Variants in ERC2 observed in about 807,000 individuals in gnomAD.
ERC2 encodes ERC protein 2.
A neutral mutation model predicts 114.8 loss-of-function variants in ERC2; 42 were observed. The ratio of observed to expected loss-of-function variants is 0.37; its 90% CI spans 0.29 to 0.47. ERC2 has a LOEUF of 0.47. Among genes scored for constraint, ERC2 ranks in the 20% least tolerant of loss-of-function variants. The probability of loss-of-function intolerance (pLI) is 0.99; values close to 1 mark genes in which losing one functional copy is unlikely to be tolerated. For missense variants in ERC2, 939 were observed against 1,150.7 expected, an observed-to-expected ratio of 0.82 and a Z score of 2.66; for synonymous variants, 454 against 425.5, an observed-to-expected ratio of 1.07 and a Z score of -0.82.
chr3:55,672,670 A>G (rs1266643803), intron 17 of ERC2, among the ~76,000 whole-genome samples: 1 of 152,118 alleles, frequency 6.6e-6, no homozygotes. Flanking sequence ...CAGCTCTTGG[A>G]ACTTTAAGGT....
chr3:55,771,796 T>C (rs1328983344), intron 14 of ERC2, among the ~76,000 whole-genome samples: 1 of 152,202 alleles, frequency 6.6e-6, no homozygotes, highest in Non-Finnish European at 1.5e-5. Flanking sequence ...ACAGCAGGCC[T>C]GAGGAGGCAG....
At chr3:55,777,335 A>G (rs2068703749) in intron 14 of ERC2, among the ~76,000 whole-genome samples, 1 of 152,210 alleles carries the variant, frequency 6.6e-6, no homozygotes, top group South Asian at 2.1e-4. Flanking sequence ...ACTGTGTTAC[A>G]GTGAAAATGA....
At chr3:56,399,704 TC>T (rs1361000335) in intron 2 of ERC2, among the ~76,000 whole-genome samples, 1 of 151,994 alleles carries the variant, frequency 6.6e-6, no homozygotes, top group Non-Finnish European at 1.5e-5. Flanking sequence ...GTATATTATT[TC>T]CCTAAAAGAG....
chr3:56,053,066 C>T (rs2075843251), intron 7 of ERC2, among the ~76,000 whole-genome samples: 1 of 152,148 alleles, frequency 6.6e-6, no homozygotes, highest in African/African-American at 2.4e-5. Flanking sequence ...TGAAAAACTC[C>T]ACATGGCGAG....
intron 13 of ERC2, among the ~76,000 whole-genome samples, chr3:55,889,647 C>T (rs957264467): frequency 6.6e-5 from 10 of 152,092 alleles, no homozygotes; most frequent in Non-Finnish European, 1.3e-4. Context: ...GAAATGCCAT[C>T]CCTTGCACAG....
Position 55,586,238 on chromosome 3 carries a change from C to G in ERC2, c.*40-74962G>C, listed in dbSNP as rs116497536. On this transcript the variant is annotated intron_variant, in intron 17 of 17. Transcript: ENST00000288221. ...TTCCCAAAGAGAGGTGGCCCTCGGA[C>G]TGTGAGTCTTTGCCTTCACTTTCAA... is the stretch of plus-strand genomic sequence containing the variant. Among the ~76,000 whole-genome samples the G allele has an allele frequency of 7.9e-4, 121 of 152,342 alleles. 1 individual carries two copies. Among genetic ancestry groups the G allele is most frequent in the African/African-American group, 2.8e-3 (118 of 41,586 alleles).
intron 14 of ERC2, among the ~76,000 whole-genome samples, chr3:55,785,660 C>T (rs2069424749): frequency 6.6e-6 from 1 of 152,250 alleles, no homozygotes; most frequent in African/African-American, 2.4e-5. Flanking sequence ...CACATCTTCT[C>T]ATTCATGCTG....
intron 2 of ERC2, among the ~76,000 whole-genome samples, chr3:56,422,754 C>T (rs1345528447): frequency 1.3e-5 from 2 of 152,136 alleles, no homozygotes; most frequent in South Asian, 2.1e-4. Flanking sequence ...GAGATCAAAT[C>T]GCAGCTCTAT....
intron 4 of ERC2, among the ~76,000 whole-genome samples, chr3:56,155,558 T>C (rs2081663586): frequency 2.0e-5 from 3 of 152,068 alleles, no homozygotes. Context: ...AGAAAAAATA[T>C]AATGCACAAG....
chr3:55,814,861 G>C (rs1474675168), intron 14 of ERC2, among the ~76,000 whole-genome samples: 1 of 152,212 alleles, frequency 6.6e-6, no homozygotes, highest in Non-Finnish European at 1.5e-5. Context: ...AATAGGCATG[G>C]TGTTTGGCAA....
In ERC2 at chr3:55,878,743, T is replaced by C. The variant is rs28406992; in HGVS notation, c.2564+9646A>G. 6.1e-3 allele frequency among the ~76,000 whole-genome samples: 931 copies of C among 152,340 alleles called. 9 individuals are homozygous for C. The highest frequency in any genetic ancestry group is 0.021 in the African/African-American group (888 of 41,566). ...TCAGTACTTAATAAGTGTTCACTGG[T>C]AATATTAATCCCATCCCCCAAAGTC... is the stretch of plus-strand genomic sequence containing the variant. On this transcript the variant is annotated intron_variant, in intron 14 of 17. Coordinates refer to ENST00000288221, the MANE Select transcript of ERC2 (RefSeq NM_015576.3).
chr3:56,408,674 C>T (rs2060820241), intron 2 of ERC2, among the ~76,000 whole-genome samples: 1 of 152,076 alleles, frequency 6.6e-6, no homozygotes, highest in African/African-American at 2.4e-5. Context: ...AGACAACAGA[C>T]GAATAAGCAA....
chr3:55,616,649 T>C (rs2059132838), intron 17 of ERC2, among the ~76,000 whole-genome samples: 1 of 151,238 alleles, frequency 6.6e-6, no homozygotes, highest in Non-Finnish European at 1.5e-5. Flanking sequence ...TTTTTTTAAG[T>C]GCCAGGCACT....
chr3:56,265,820 G>A (rs2053253122), intron 3 of ERC2, among the ~76,000 whole-genome samples: 1 of 151,924 alleles, frequency 6.6e-6, no homozygotes, highest in Admixed American at 6.6e-5. Flanking sequence ...CCTGAAATCA[G>A]GAGTTCGAGA....
intron 17 of ERC2, among the ~76,000 whole-genome samples, chr3:55,567,899 T>C (rs1227911444): frequency 2.0e-5 from 3 of 152,160 alleles, no homozygotes; most frequent in Admixed American, 2.0e-4. Flanking sequence ...TTTATCACTA[T>C]CTGGTGAGTT....
At position 55,690,450 on chromosome 3, in the gene ERC2, G is replaced by A. The variant is rs182622861; in HGVS notation, c.2848-6591C>T. ...AAAGTGCTGCCTCTTAGACAAATGC[G>A]ACTGGATTAAAGCAGCAAGTTGAAA... On this transcript the variant is annotated intron_variant, in intron 16 of 17. Transcript: ENST00000288221. 6.8e-4 allele frequency among the ~76,000 whole-genome samples: 104 copies of A among 152,274 alleles called. No homozygotes were observed. The East Asian group carries it at 0.018, about 26-fold the overall frequency.
In ERC2 at chr3:56,171,805, G is replaced by A. The variant is rs1470216474; in HGVS notation, c.1149+1641C>T. 1.4e-5 allele frequency among the ~76,000 whole-genome samples: 2 copies of A among 147,086 alleles called. 1 individual carries two copies. Among genetic ancestry groups the A allele is most frequent in the African/African-American group, 5.0e-5 (2 of 40,214 alleles). On this transcript the variant is annotated intron_variant, in intron 4 of 17. Transcript: ENST00000288221. ...AACTACCCACCACATTAGAAGAGATGTTTCTCCTGTTTTTTCCAAAGGCCT... is the reference window on the plus strand; with the variant it reads ...AACTACCCACCACATTAGAAGAGATATTTCTCCTGTTTTTTCCAAAGGCCT...
intron 14 of ERC2, among the ~76,000 whole-genome samples, chr3:55,865,745 G>A (rs1268057106): frequency 6.6e-6 from 1 of 152,032 alleles, no homozygotes; most frequent in Non-Finnish European, 1.5e-5. Context: ...TTAGCATGAT[G>A]TTTTCAAGGT....
intron 17 of ERC2, among the ~76,000 whole-genome samples, chr3:55,650,369 C>A (rs9847624): frequency 0.022 from 3,282 of 152,278 alleles, 118 homozygotes; most frequent in African/African-American, 0.074. Flanking sequence ...ATCTCTCCCC[C>A]CATCTCACTT....
Sources: allele counts gnomAD v4.1 joint callset (sites outside exome capture counted in the v4.1 genomes callset), GRCh38; gene constraint gnomAD v4.1.1; transcripts MANE v1.5; gene names NCBI Gene and HGNC (gene_info 2026-07-23, HGNC 2026-07-21).